CAMK4: variants seen among roughly 807,000 people sequenced by gnomAD.
CAMK4 encodes calcium/calmodulin dependent protein kinase IV.
Under a neutral mutation model 44.9 loss-of-function variants are expected in CAMK4, and 22 were observed. The ratio of observed to expected loss-of-function variants is 0.49; its 90% CI spans 0.35 to 0.70. The LOEUF (loss-of-function observed/expected upper bound fraction) is 0.70, where lower values mean the gene tolerates loss of function less well. CAMK4 is among the 30% of genes least tolerant of loss of function. The pLI, the probability that CAMK4 is intolerant of heterozygous loss-of-function variation, is 0.01. For synonymous variants in CAMK4, 218 were observed against 215.4 expected (o/e 1.01, Z -0.11); for missense variants, 498 against 586.8 (o/e 0.85, Z 1.56).
At position 111,283,185 on chromosome 5, in the gene CAMK4, G is replaced by A. The variant is rs143539795; in HGVS notation, c.161+58541G>A. 23 of 152,224 alleles carry A rather than the reference G, an allele frequency of 1.5e-4. No individual in the cohort carries two copies. The East Asian group carries it at 4.2e-3, about 28-fold the overall frequency. The allele number at this position is 152,224 out of a possible 1,614,324, so 9.4% of individuals were successfully genotyped here. A position where few individuals can be genotyped will look rare whatever the true frequency, so the allele number is the denominator to read the frequency against. On this transcript the variant is annotated intron_variant, in intron 1 of 10. Transcript: ENST00000282356. Reference sequence around the variant, plus strand: ...ATTTGCATAAAGATCTATCATATTTGACTCTTTAGTATTTTTGTATCACTG... The same window carrying A: ...ATTTGCATAAAGATCTATCATATTTAACTCTTTAGTATTTTTGTATCACTG...
intron 5 of CAMK4, among the ~76,000 whole-genome samples, chr5:111,430,043 A>G (rs780486641): frequency 6.6e-5 from 10 of 152,122 alleles, no homozygotes; most frequent in Non-Finnish European, 1.2e-4. Context: ...AGTATCTGTG[A>G]TGAACATTGA....
Position 111,376,962 on chromosome 5 carries a change from A to G in CAMK4, c.386+20A>G. ...TGATAGGTGAGTTGGTTCTGGAAAT[A>G]TAACCACAGAAAGGTTTGCTTTTGG... is the stretch of plus-strand genomic sequence containing the variant. On this transcript the variant is annotated intron_variant, in intron 4 of 10. Transcript: ENST00000282356. 1 of 1,515,772 alleles carries G rather than the reference A, an allele frequency of 6.6e-7. No homozygotes were observed. The highest frequency in any genetic ancestry group is 9.1e-7 in the Non-Finnish European group (1 of 1,103,626). The allele number at this position is 1,515,772 out of a possible 1,614,324, so 93.9% of individuals were successfully genotyped here.
intron 8 of CAMK4, among the ~76,000 whole-genome samples, chr5:111,473,811 T>C (rs922481188): frequency 6.6e-6 from 1 of 152,254 alleles, no homozygotes; most frequent in Non-Finnish European, 1.5e-5. Flanking sequence ...GTATATTTCT[T>C]ATCAGGAATA....
intron 2 of CAMK4, among the ~76,000 whole-genome samples, chr5:111,372,446 A>G (rs1199917430): frequency 6.6e-6 from 1 of 152,140 alleles, no homozygotes; most frequent in Non-Finnish European, 1.5e-5. Flanking sequence ...GAGAGAGAGC[A>G]TCTCTCTTAT....
At chr5:111,339,624 T>C (rs750885815) in intron 1 of CAMK4, among the ~76,000 whole-genome samples, 7 of 151,520 alleles carry the variant, frequency 4.6e-5, no homozygotes, top group Non-Finnish European at 8.9e-5. Flanking sequence ...TTTTGACTAC[T>C]ATAGCTTTGT....
At chr5:111,348,516 A>G (rs977562069) in intron 2 of CAMK4, among the ~76,000 whole-genome samples, 2 of 152,070 alleles carry the variant, frequency 1.3e-5, no homozygotes, top group African/African-American at 4.8e-5. Context: ...ATATTTTATA[A>G]ATGGGTATAA....
chr5:111,477,891 A>G (rs1198261998), intron 8 of CAMK4, among the ~76,000 whole-genome samples: 2 of 152,180 alleles, frequency 1.3e-5, no homozygotes, highest in Admixed American at 6.5e-5. Flanking sequence ...CAGAATAAAA[A>G]TAAGTGAAAA....
intron 1 of CAMK4, among the ~76,000 whole-genome samples, chr5:111,281,265 G>A (rs1226396335): frequency 6.6e-6 from 1 of 152,114 alleles, no homozygotes; most frequent in African/African-American, 2.4e-5. Flanking sequence ...TTGCTCCTGG[G>A]GGCTTATCCT....
intron 1 of CAMK4, among the ~76,000 whole-genome samples, chr5:111,268,394 G>A (rs929718730): frequency 1.3e-5 from 2 of 152,144 alleles, no homozygotes; most frequent in Non-Finnish European, 2.9e-5. Context: ...TCTCTTTGGA[G>A]GAAAAGTGAA....
intron 1 of CAMK4, among the ~76,000 whole-genome samples, chr5:111,245,811 A>G (rs913655249): frequency 1.3e-5 from 2 of 152,242 alleles, no homozygotes; most frequent in African/African-American, 4.8e-5. Flanking sequence ...TTAACACAAA[A>G]CTGTTGGGTG....
chr5:111,466,012 G>A (rs1754815053), intron 7 of CAMK4, among the ~76,000 whole-genome samples: 1 of 152,088 alleles, frequency 6.6e-6, no homozygotes, highest in Non-Finnish European at 1.5e-5. Context: ...TGATCAAGTG[G>A]GTTTCATACC....
At chr5:111,361,068 C>T (rs1750572893) in intron 2 of CAMK4, among the ~76,000 whole-genome samples, 2 of 151,994 alleles carry the variant, frequency 1.3e-5, no homozygotes, top group South Asian at 2.1e-4. Flanking sequence ...ACAACATTAG[C>T]CAGGTTCTTT....
intron 7 of CAMK4, among the ~76,000 whole-genome samples, chr5:111,466,672 A>G (rs1056547956): frequency 1.3e-5 from 2 of 152,238 alleles, no homozygotes; most frequent in Admixed American, 6.5e-5. Flanking sequence ...AAGGAATTCT[A>G]TAAAACACTG....
Position 111,484,610 on chromosome 5 carries a change from C to T in CAMK4, c.*144C>T. On this transcript the variant is annotated 3_prime_UTR_variant, in exon 11 of 11. Coordinates refer to ENST00000282356, the MANE Select transcript of CAMK4 (RefSeq NM_001744.6). The surrounding 1 kb of genome is among the most constrained non-coding windows in gnomAD (Gnocchi z 5.3). ...CATACATATATACCAGTTGGTAATT[C>T]TAACTTCAATGCATGTGACTGCTTT... 1 of 450,774 alleles carries T rather than the reference C, an allele frequency of 2.2e-6. No individual in the cohort carries two copies. The highest frequency in any genetic ancestry group is 4.1e-5 in the Admixed American group (1 of 24,570). 27.9% of individuals were successfully genotyped at this position (450,774 alleles called of 1,614,324 possible).
upstream of CAMK4, chr5:111,224,344 C>G (rs1214176422): frequency 9.1e-6 from 11 of 1,213,300 alleles, no homozygotes; most frequent in Non-Finnish European, 1.2e-5. This position sits in a 1 kb window ranked among gnomAD's most constrained non-coding sequence, Gnocchi z 5.7. Flanking sequence ...CGAGCGCGGG[C>G]GGCGGCGGTG....
intron 1 of CAMK4, among the ~76,000 whole-genome samples, chr5:111,243,863 T>TTCA: frequency 6.6e-6 from 1 of 152,348 alleles, no homozygotes; most frequent in South Asian, 2.1e-4. Flanking sequence ...GCAACATGCA[T>TTCA]TCATCTTCAC....
chr5:111,357,995 C>CA (rs1235573221), intron 2 of CAMK4: 1 of 151,658 alleles, frequency 6.6e-6, no homozygotes, highest in African/African-American at 2.4e-5. Flanking sequence ...GAGACAAAGG[C>CA]AAAAAAGAAT....
chr5:111,292,009 A>G (rs529692084), intron 1 of CAMK4, among the ~76,000 whole-genome samples: 3 of 152,356 alleles, frequency 2.0e-5, no homozygotes, highest in Non-Finnish European at 4.4e-5. Flanking sequence ...AAAAGCCACA[A>G]TGGGTATATA....
At chr5:111,336,827 C>CT (rs199695535) in intron 1 of CAMK4, among the ~76,000 whole-genome samples, 7 of 150,236 alleles carry the variant, frequency 4.7e-5, no homozygotes, top group Admixed American at 1.3e-4. Flanking sequence ...TATATTTTTT[C>CT]TTTTTTTTAA....
Sources: gnomAD v4.1 joint callset for allele counts (sites outside exome capture counted in the v4.1 genomes callset) on GRCh38, gnomAD v4.1.1 for gene constraint, Gnocchi (gnomAD v3.1) non-coding constraint, MANE v1.5 for transcripts, NCBI Gene and HGNC (gene_info 2026-07-23, HGNC 2026-07-21) for gene names.